TENM2: variants seen among roughly 807,000 people sequenced by gnomAD.
TENM2 encodes teneurin-2.
TENM2 carries 52 observed loss-of-function variants against 245.2 expected under a neutral mutation model. That is an observed-to-expected ratio of 0.21 (90% CI 0.17 to 0.27). The LOEUF (loss-of-function observed/expected upper bound fraction) is 0.27, where lower values mean the gene tolerates loss of function less well. TENM2 is among the 10% of genes least tolerant of loss of function. The pLI, the probability that TENM2 is intolerant of heterozygous loss-of-function variation, is 1.00. For synonymous variants in TENM2, 1,363 were observed against 1,438.9 expected, an observed-to-expected ratio of 0.95 and a Z score of 1.19; for missense variants, 3,046 against 3,666.8, an observed-to-expected ratio of 0.83 and a Z score of 4.37.
In TENM2 at chr5:168,039,199, T is replaced by C. The variant is rs558147872; in HGVS notation, c.1187-8228T>C. Among the ~76,000 whole-genome samples, 9 of 152,344 alleles carry C rather than the reference T, an allele frequency of 5.9e-5. No homozygotes were observed. The South Asian group carries it at 1.7e-3, about 28-fold the overall frequency. Reference sequence around the variant, plus strand: ...CTTATCCTCTAAAACATTCATAATGTCTGCTTCCTAGGATTCTGGTGGCCG... The same window carrying C: ...CTTATCCTCTAAAACATTCATAATGCCTGCTTCCTAGGATTCTGGTGGCCG... On this transcript the variant is annotated intron_variant, in intron 5 of 28. Coordinates refer to ENST00000518659, the Ensembl canonical transcript of TENM2.
intron 2 of TENM2, among the ~76,000 whole-genome samples, chr5:167,796,474 C>T (rs1765326708): frequency 1.3e-5 from 2 of 152,152 alleles, no homozygotes; most frequent in South Asian, 4.1e-4. Context: ...CCTTCATGTA[C>T]TCAACTCGCA....
intron 2 of TENM2, chr5:167,821,392 G>A (rs930062389): frequency 6.6e-6 from 1 of 152,206 alleles, no homozygotes; most frequent in Non-Finnish European, 1.5e-5. Flanking sequence ...TTTTTGGCCA[G>A]TGATAGGAGC....
intron 2 of TENM2, among the ~76,000 whole-genome samples, chr5:167,864,376 C>T (rs1772117818): frequency 6.6e-6 from 1 of 152,204 alleles, no homozygotes; most frequent in South Asian, 2.1e-4. Context: ...GGGAATAGAA[C>T]ACCTATCTCT....
intron 3 of TENM2, among the ~76,000 whole-genome samples, chr5:167,904,614 A>G (rs1415512069): frequency 6.6e-6 from 1 of 152,232 alleles, no homozygotes; most frequent in Non-Finnish European, 1.5e-5. Context: ...CGTGCTAATC[A>G]GAAAACAGCA....
chr5:167,846,980 G>T (rs1770102372), intron 2 of TENM2, among the ~76,000 whole-genome samples: 1 of 146,284 alleles, frequency 6.8e-6, no homozygotes, highest in Non-Finnish European at 1.5e-5. Flanking sequence ...GATTGGAAAT[G>T]GGATCTCATT....
chr5:167,312,011 C>G (rs990715438), intron 1 of TENM2, among the ~76,000 whole-genome samples: 8 of 152,128 alleles, frequency 5.3e-5, no homozygotes, highest in Admixed American at 2.0e-4. Flanking sequence ...ACCTCAATTT[C>G]TTTGCAATAG....
At chr5:167,379,960 T>A (rs990440553) in intron 2 of TENM2, among the ~76,000 whole-genome samples, 2 of 148,952 alleles carry the variant, frequency 1.3e-5, no homozygotes, top group Non-Finnish European at 1.5e-5. Flanking sequence ...GAACAAAGTT[T>A]TAAGCCATTT....
the TENM2 span, among the ~76,000 whole-genome samples, chr5:167,000,043 C>T: frequency 1.3e-4 from 20 of 152,164 alleles, no homozygotes; most frequent in Admixed American, 9.8e-4. Flanking sequence ...AGAAGCAGGA[C>T]GCTGTGATTG....
At chr5:167,352,450 T>C (rs1336997521) in intron 1 of TENM2, among the ~76,000 whole-genome samples, 1 of 152,212 alleles carries the variant, frequency 6.6e-6, no homozygotes, top group African/African-American at 2.4e-5. Flanking sequence ...GAGTCTTTGA[T>C]TATTCTTCAA....
intron 2 of TENM2, among the ~76,000 whole-genome samples, chr5:167,827,221 A>G (rs753268184): frequency 1.3e-5 from 2 of 152,222 alleles, no homozygotes; most frequent in African/African-American, 2.4e-5. Flanking sequence ...ATGTTACTAG[A>G]AACATAATTG....
intron 2 of TENM2, among the ~76,000 whole-genome samples, chr5:167,442,897 T>A (rs1764951209): frequency 6.6e-6 from 1 of 152,162 alleles, no homozygotes; most frequent in South Asian, 2.1e-4. Flanking sequence ...TTATCATGGG[T>A]CAGTTATGAA....
At chr5:167,688,571 T>C (rs941680716) in intron 2 of TENM2, among the ~76,000 whole-genome samples, 7 of 152,240 alleles carry the variant, frequency 4.6e-5, no homozygotes, top group African/African-American at 1.7e-4. Context: ...TACTCCATCG[T>C]GTCAGATTTA....
At chr5:167,309,166 C>T (rs73363417) in intron 1 of TENM2, among the ~76,000 whole-genome samples, 3,863 of 152,140 alleles carry the variant, frequency 0.025, 154 homozygotes, top group African/African-American at 0.088. Flanking sequence ...ATTTTGTATC[C>T]CTACACTGAA....
the TENM2 span, among the ~76,000 whole-genome samples, chr5:167,084,366 T>TATATATAG: frequency 8.7e-6 from 1 of 114,884 alleles, no homozygotes; most frequent in African/African-American, 3.1e-5. Context: ...TATATATATA[T>TATATATAG]ACAGATCAGA....
the TENM2 span, among the ~76,000 whole-genome samples, chr5:167,016,940 A>C: frequency 6.6e-6 from 1 of 152,220 alleles, no homozygotes; most frequent in African/African-American, 2.4e-5. Flanking sequence ...CCTTTAGTCA[A>C]ATTGCAAATC....
chr5:167,568,646 GGT>G (rs3138740), intron 2 of TENM2, among the ~76,000 whole-genome samples: 8,292 of 142,476 alleles, frequency 0.058, 514 homozygotes, highest in African/African-American at 0.16. Flanking sequence ...CAGAGACCAT[GGT>G]GTGTGTGTGT....
intron 2 of TENM2, among the ~76,000 whole-genome samples, chr5:167,757,524 C>T (rs1181934993): frequency 6.6e-6 from 1 of 152,152 alleles, no homozygotes. Context: ...CAAGTCTTTG[C>T]TATTGTGAAT....
rs760281726 is a variant in TENM2 at position 168,004,506 on chromosome 5, T to TGCGCGC, written c.1186+11331_1186+11336dup. Among the ~76,000 whole-genome samples, 164 of 97,760 alleles carry TGCGCGC rather than the reference T, an allele frequency of 1.7e-3. 2 individuals carry two copies. The highest frequency in any genetic ancestry group is 5.6e-3 in the Middle Eastern group (1 of 178). The allele number at this position is 97,760 out of a possible 152,430, so 64.1% of individuals were successfully genotyped here. ...TCAGCCCCCATTTGGGATGCACGCA[T>TGCGCGC]GCGCGCGCGCGCACACACACACACA... On this transcript the variant is annotated intron_variant, in intron 5 of 28. Transcript: ENST00000518659.
intron 3 of TENM2, among the ~76,000 whole-genome samples, chr5:167,882,202 G>A (rs941562239): frequency 4.6e-5 from 7 of 152,100 alleles, no homozygotes; most frequent in Non-Finnish European, 5.9e-5. Flanking sequence ...TTCTTAAAAC[G>A]AAATACAGCA....
Sources: allele counts gnomAD v4.1 joint callset (sites outside exome capture counted in the v4.1 genomes callset), GRCh38; gene constraint gnomAD v4.1.1; transcripts MANE v1.5; gene names NCBI Gene and HGNC (gene_info 2026-07-23, HGNC 2026-07-21).